NEK11: variants seen among roughly 807,000 people sequenced by gnomAD.
NEK11 encodes the protein NIMA related kinase 11.
A neutral mutation model predicts 80.7 loss-of-function variants in NEK11; 72 were observed. The ratio of observed to expected loss-of-function variants is 0.89; its 90% CI spans 0.74 to 1.08. NEK11 has a LOEUF of 1.08. Ranked by LOEUF, NEK11 falls within the 50% of genes least tolerant of loss-of-function variation. The pLI is 0.00. For synonymous variants in NEK11, 251 were observed against 260.7 expected, an observed-to-expected ratio of 0.96 and a Z score of 0.36; for missense variants, 764 against 763.6, an observed-to-expected ratio of 1.00 and a Z score of -0.01.
At chr3:131,136,445 A>AT (rs989661074) in intron 7 of NEK11, among the ~76,000 whole-genome samples, 15 of 151,668 alleles carry the variant, frequency 9.9e-5, no homozygotes, top group South Asian at 2.1e-4. Flanking sequence ...TTATTGTGGA[A>AT]TTTTTTTTTA....
chr3:131,326,762 C>A (rs1383039623), intron 17 of NEK11, among the ~76,000 whole-genome samples: 2 of 152,166 alleles, frequency 1.3e-5, no homozygotes, highest in South Asian at 2.1e-4. Context: ...CCAGAGCTTG[C>A]GTCTCCTCTG....
At chr3:131,053,540 ATTCT>A (rs1176618395) in intron 3 of NEK11, 1 of 152,228 alleles carries the variant, frequency 6.6e-6, no homozygotes, top group African/African-American at 2.4e-5. Context: ...GTATATGTGT[ATTCT>A]TTCTTTTTTA....
chr3:131,065,013 G>A (rs1426742559), intron 3 of NEK11, among the ~76,000 whole-genome samples: 1 of 152,148 alleles, frequency 6.6e-6, no homozygotes, highest in Non-Finnish European at 1.5e-5. Context: ...AGGCACAAAG[G>A]CATGAAAACC....
intron 3 of NEK11, among the ~76,000 whole-genome samples, chr3:131,038,735 A>C (rs1430362188): frequency 6.6e-6 from 1 of 152,254 alleles, no homozygotes; most frequent in Admixed American, 6.5e-5. Flanking sequence ...TGTATTTAAA[A>C]TATTACAGCC....
intron 7 of NEK11, 187 bp downstream of exon 7, chr3:131,134,143 A>C: frequency 2.1e-6 from 1 of 470,838 alleles, no homozygotes; most frequent in Non-Finnish European, 3.4e-6. Flanking sequence ...AGTTTCAAAA[A>C]TTCTTTTTAT....
At chr3:131,236,525 G>A (rs2095434015) in intron 15 of NEK11, among the ~76,000 whole-genome samples, 1 of 152,178 alleles carries the variant, frequency 6.6e-6, no homozygotes, top group African/African-American at 2.4e-5. Flanking sequence ...AGAGACAGCT[G>A]CAGTTAGAAG....
At chr3:131,155,163 A>G (rs776218814) in intron 10 of NEK11, 42 bp downstream of exon 10, 2 of 1,236,168 alleles carry the variant, frequency 1.6e-6, no homozygotes, top group Non-Finnish European at 2.4e-6. Context: ...TCGAGTGTAA[A>G]TGTTAAATGT....
chr3:131,133,788 C>G, intron 6 of NEK11, 42 bp from the exon 7 acceptor site: 1 of 1,551,480 alleles, frequency 6.4e-7, no homozygotes, highest in Non-Finnish European at 8.8e-7. Flanking sequence ...GCTAATTTTT[C>G]GTTGGCTTAA....
intron 17 of NEK11, among the ~76,000 whole-genome samples, chr3:131,315,360 A>T (rs1436543750): frequency 6.6e-6 from 1 of 151,624 alleles, no homozygotes; most frequent in Non-Finnish European, 1.5e-5. Flanking sequence ...ATCATGCAGT[A>T]TTTTTCTTTC....
intron 16 of NEK11, among the ~76,000 whole-genome samples, chr3:131,272,796 A>G (rs1444580807): frequency 6.6e-6 from 1 of 152,046 alleles, no homozygotes; most frequent in African/African-American, 2.4e-5. Context: ...TTTTTAATGG[A>G]AAGTAGTGTT....
chr3:131,265,003 T>G (rs2096017898), intron 16 of NEK11, among the ~76,000 whole-genome samples: 1 of 152,202 alleles, frequency 6.6e-6, no homozygotes, highest in Non-Finnish European at 1.5e-5. Context: ...ACTCATGATT[T>G]GGTTCTCTGT....
intron 14 of NEK11, among the ~76,000 whole-genome samples, chr3:131,215,564 A>G (rs2094806110): frequency 6.6e-6 from 1 of 152,172 alleles, no homozygotes; most frequent in African/African-American, 2.4e-5. Context: ...GCATGTAGAT[A>G]TGGTGTAAAA....
At chr3:131,032,126 T>C (rs1046564845) in intron 3 of NEK11, among the ~76,000 whole-genome samples, 2 of 152,064 alleles carry the variant, frequency 1.3e-5, no homozygotes, top group Non-Finnish European at 2.9e-5. Flanking sequence ...CACACCTGGC[T>C]AATTTTTGTA....
intron 17 of NEK11, among the ~76,000 whole-genome samples, chr3:131,299,564 T>C (rs890450612): frequency 1.3e-5 from 2 of 152,146 alleles, no homozygotes; most frequent in African/African-American, 4.8e-5. Context: ...TGTCTGTTGT[T>C]CCCTTCTTTG....
chr3:131,288,458 T>TTC (rs2096502055), intron 17 of NEK11, among the ~76,000 whole-genome samples: 2 of 46,528 alleles, frequency 4.3e-5, no homozygotes, highest in African/African-American at 1.3e-4. Context: ...TTCTTTTTTT[T>TTC]TTTTTTTTTT....
At chr3:131,262,051 TAAAAG>T (rs2095933801) in intron 16 of NEK11, among the ~76,000 whole-genome samples, 1 of 151,722 alleles carries the variant, frequency 6.6e-6, no homozygotes, top group Admixed American at 6.6e-5. Flanking sequence ...ACCAACAAAA[TAAAAG>T]AGAAGATTCA....
chr3:131,165,832 T>A (rs2092165286), intron 12 of NEK11, among the ~76,000 whole-genome samples: 1 of 152,248 alleles, frequency 6.6e-6, no homozygotes, highest in East Asian at 1.9e-4. Flanking sequence ...TGTGTATATC[T>A]AATTTTTAAT....
intron 17 of NEK11, among the ~76,000 whole-genome samples, chr3:131,331,071 C>T (rs967125919): frequency 2.6e-5 from 4 of 152,232 alleles, no homozygotes; most frequent in African/African-American, 9.6e-5. Flanking sequence ...AACACTGCTG[C>T]AATGGGAATT....
At chr3:131,117,249 T>C (rs2081407971) in intron 5 of NEK11, among the ~76,000 whole-genome samples, 1 of 152,210 alleles carries the variant, frequency 6.6e-6, no homozygotes, top group Admixed American at 6.5e-5. Context: ...TCCCCATTGC[T>C]TGTTTTCCTC....
Sources: gnomAD v4.1 joint callset for allele counts (sites outside exome capture counted in the v4.1 genomes callset) on GRCh38, gnomAD v4.1.1 for gene constraint, MANE v1.5 for transcripts, NCBI Gene and HGNC (gene_info 2026-07-23, HGNC 2026-07-21) for gene names.